The following MACROD2 variants were observed in gnomAD, a reference collection of about 807,000 sequenced individuals.
MACROD2 encodes ADP-ribose glycohydrolase MACROD2.
MACROD2 carries 36 observed loss-of-function variants against 70.4 expected under a neutral mutation model. That is an observed-to-expected ratio of 0.51 (90% confidence interval 0.39 to 0.68). The LOEUF (loss-of-function observed/expected upper bound fraction) is 0.68, where lower values mean the gene tolerates loss of function less well. Ranked by LOEUF, MACROD2 falls within the 30% of genes least tolerant of loss-of-function variation. MACROD2 has a pLI of 0.00. For synonymous variants in MACROD2, 172 were observed against 178.8 expected (o/e 0.96, Z 0.30); for missense variants, 496 against 538.4 (o/e 0.92, Z 0.78).
intron 5 of MACROD2, among the ~76,000 whole-genome samples, chr20:14,773,035 A>G (rs529746970): frequency 6.6e-6 from 1 of 152,056 alleles, no homozygotes; most frequent in South Asian, 2.1e-4. Flanking sequence ...CAGCCATCAC[A>G]CCCACATTCA....
At chr20:14,449,066 G>A (rs1437854697) in intron 3 of MACROD2, among the ~76,000 whole-genome samples, 3 of 152,044 alleles carry the variant, frequency 2.0e-5, no homozygotes, top group Admixed American at 2.0e-4. Context: ...AGAAAGAGGA[G>A]GCAGTTTTGA....
At chr20:14,092,718 A>G (rs902866125) in intron 3 of MACROD2, among the ~76,000 whole-genome samples, 1 of 152,224 alleles carries the variant, frequency 6.6e-6, no homozygotes, top group Non-Finnish European at 1.5e-5. Flanking sequence ...AGTAATTAAG[A>G]TCAGACAGAT....
rs458093 is a variant in MACROD2 at position 15,607,469 on chromosome 20, C to T, written c.645+107622C>T. On this transcript the variant is annotated intron_variant, in intron 8 of 17. Transcript: ENST00000684519. ...TGCATCTATTCTGCTCTTAATGGTA[C>T]TCTAAATAGCTTATTTTGCAATCTT... Among the ~76,000 whole-genome samples, 838 of 152,316 alleles carry T rather than the reference C, an allele frequency of 5.5e-3. 8 individuals are homozygous for T. Among genetic ancestry groups the T allele is most frequent in the Middle Eastern group, 0.014 (4 of 294 alleles).
intron 4 of MACROD2, among the ~76,000 whole-genome samples, chr20:14,612,116 T>C (rs1983208318): frequency 1.3e-5 from 2 of 152,110 alleles, no homozygotes; most frequent in Admixed American, 6.6e-5. Context: ...TTTATAGAGA[T>C]TTTTAGGTGT....
Position 15,015,956 on chromosome 20 carries a change from G to A in MACROD2, c.419-213984G>A, listed in dbSNP as rs138790356. Among the ~76,000 whole-genome samples, 713 of 152,274 alleles carry A rather than the reference G, an allele frequency of 4.7e-3. 3 individuals carry two copies. Among genetic ancestry groups the A allele is most frequent in the African/African-American group, 0.016 (683 of 41,550 alleles). On this transcript the variant is annotated intron_variant, in intron 5 of 17. Coordinates refer to ENST00000684519, the MANE Select transcript of MACROD2 (RefSeq NM_001351661.2). ...AGCTCTAAGCATAGGTTTAGAAAAC[G>A]GAAGCTTCTTGGAACCATTTTCTAT...
intron 3 of MACROD2, among the ~76,000 whole-genome samples, chr20:14,118,254 T>C (rs745778285): frequency 2.0e-5 from 3 of 152,168 alleles, no homozygotes; most frequent in Admixed American, 6.5e-5. Flanking sequence ...CTACTGAAGA[T>C]TTGTTTCTTT....
chr20:14,752,740 C>G (rs185858782), intron 5 of MACROD2, among the ~76,000 whole-genome samples: 16 of 152,216 alleles, frequency 1.1e-4, no homozygotes, highest in African/African-American at 3.9e-4. Flanking sequence ...AACCGTATTA[C>G]TTTGCAGTTC....
At chr20:15,554,562 G>T (rs1041576439) in intron 8 of MACROD2, among the ~76,000 whole-genome samples, 3 of 142,022 alleles carry the variant, frequency 2.1e-5, no homozygotes, top group Non-Finnish European at 3.1e-5. Context: ...AAAAAAAAAA[G>T]AAATATCAAA....
intron 4 of MACROD2, among the ~76,000 whole-genome samples, chr20:14,508,945 C>T (rs1056625049): frequency 3.4e-4 from 51 of 152,180 alleles, no homozygotes; most frequent in African/African-American, 1.2e-3. Flanking sequence ...TGAAAACAAC[C>T]TAAATGTTCA....
chr20:15,730,512 C>T (rs1223607339), intron 8 of MACROD2, among the ~76,000 whole-genome samples: 1 of 152,086 alleles, frequency 6.6e-6, no homozygotes, highest in Non-Finnish European at 1.5e-5. Flanking sequence ...TGACTATAGC[C>T]CTCAATCTCT....
intron 15 of MACROD2, among the ~76,000 whole-genome samples, chr20:16,040,564 A>G (rs2067294648): frequency 6.6e-6 from 1 of 151,996 alleles, no homozygotes. Flanking sequence ...AATATGAAAC[A>G]CAATTCCTTT....
chr20:16,004,930 A>T (rs1242102598), intron 15 of MACROD2, among the ~76,000 whole-genome samples: 1 of 152,228 alleles, frequency 6.6e-6, no homozygotes, highest in Non-Finnish European at 1.5e-5. Flanking sequence ...AGTGGAGTAT[A>T]CACCTGCACC....
chr20:14,889,999 G>A (rs1225500008), intron 5 of MACROD2, among the ~76,000 whole-genome samples: 3 of 152,072 alleles, frequency 2.0e-5, no homozygotes, highest in Non-Finnish European at 2.9e-5. Flanking sequence ...AGTGATAAAA[G>A]GAGTACAGAC....
Position 14,564,947 on chromosome 20 carries a change from G to A in MACROD2, c.301+71439G>A, listed in dbSNP as rs139644570. On this transcript the variant is annotated intron_variant, in intron 4 of 17. Coordinates refer to ENST00000684519, the MANE Select transcript of MACROD2 (RefSeq NM_001351661.2). ...CATGGAATCAACCTAAATGTTGATC[G>A]AGGAATGACTGGATAAAAATATGGC... Among the ~76,000 whole-genome samples, 9 of 151,918 alleles carry A rather than the reference G, an allele frequency of 5.9e-5. No homozygotes were observed. The East Asian group carries it at 1.6e-3, about 26-fold the overall frequency.
At chr20:14,539,419 G>A (rs1288455010) in intron 4 of MACROD2, among the ~76,000 whole-genome samples, 5 of 152,166 alleles carry the variant, frequency 3.3e-5, no homozygotes, top group South Asian at 2.1e-4. Context: ...GGAGCTGGGA[G>A]GTGGTGGTAG....
At chr20:16,035,123 A>G (rs1475823547) in intron 15 of MACROD2, among the ~76,000 whole-genome samples, 1 of 12,738 alleles carries the variant, frequency 7.9e-5, no homozygotes, top group African/African-American at 1.1e-4. Context: ...AATATAATAT[A>G]AAATATTATA....
Position 15,903,766 on chromosome 20 carries a change from A to G in MACROD2, c.775+17955A>G, listed in dbSNP as rs543752695. Among the ~76,000 whole-genome samples, 3 of 152,342 alleles carry G rather than the reference A, an allele frequency of 2.0e-5. No individual in the cohort carries two copies. In the East Asian group the frequency reaches 5.8e-4, roughly 29 times the overall value. On this transcript the variant is annotated intron_variant, in intron 10 of 17. Coordinates refer to ENST00000684519, the MANE Select transcript of MACROD2 (RefSeq NM_001351661.2). Reference sequence around the variant, plus strand: ...AGGACGTGCTCTAACTTATATTTTAAAAGAAATCTTCTGGTTATTGTGTTG... The same window carrying G: ...AGGACGTGCTCTAACTTATATTTTAGAAGAAATCTTCTGGTTATTGTGTTG...
In MACROD2 at chr20:14,466,408, C is replaced by T. The variant is rs550530712; in HGVS notation, c.272-27071C>T. Among the ~76,000 whole-genome samples the T allele has an allele frequency of 4.6e-5, 7 of 152,200 alleles. No individual in the cohort carries two copies. In the South Asian group the frequency reaches 1.5e-3, roughly 32 times the overall value. On this transcript the variant is annotated intron_variant, in intron 3 of 17. Transcript: ENST00000684519. Reference sequence around the variant, plus strand: ...ATCAGGTCCTTTAAGGACTTCTCTGCATTGGTTATTCTAGTTATCCATTCG... The same window carrying T: ...ATCAGGTCCTTTAAGGACTTCTCTGTATTGGTTATTCTAGTTATCCATTCG...
In MACROD2 at chr20:14,248,153, T is replaced by TA. The variant is rs2081982881; in HGVS notation, c.271+162426dup. ...ATATAAGAAAATGATTGCTTATCAG[T>TA]AGCATATAAATTCAGAGTCAGGAAT... On this transcript the variant is annotated intron_variant, in intron 3 of 17. Coordinates refer to ENST00000684519, the MANE Select transcript of MACROD2 (RefSeq NM_001351661.2). Among the ~76,000 whole-genome samples, 4 of 152,342 alleles carry TA rather than the reference T, an allele frequency of 2.6e-5. No homozygotes were observed. The South Asian group carries it at 6.2e-4, about 24-fold the overall frequency.
Sources: gnomAD v4.1 joint callset for allele counts (sites outside exome capture counted in the v4.1 genomes callset) on GRCh38, gnomAD v4.1.1 for gene constraint, MANE v1.5 for transcripts, NCBI Gene and HGNC (gene_info 2026-07-23, HGNC 2026-07-21) for gene names.